HBS1L: variants seen among roughly 807,000 people sequenced by gnomAD.
HBS1L encodes HBS1 like translational GTPase, also known as HBS1-like protein.
In HBS1L, 55 loss-of-function variants were observed where a neutral mutation model predicts 88.9. The observed-to-expected ratio is 0.62, with a 90% CI of 0.50 to 0.77. The LOEUF is 0.77. Among genes scored for constraint, HBS1L ranks in the 30% least tolerant of loss-of-function variants. HBS1L has a pLI of 0.00. For missense variants in HBS1L, 741 were observed against 829.3 expected (o/e 0.89, Z 1.31); for synonymous variants, 267 against 288.5 (o/e 0.93, Z 0.76).
intron 15 of HBS1L, among the ~76,000 whole-genome samples, chr6:134,975,241 A>G (rs1774609920): frequency 6.6e-6 from 1 of 152,176 alleles, no homozygotes; most frequent in South Asian, 2.1e-4. Flanking sequence ...AGAACTACAA[A>G]ACACAGCTGA....
intron 11 of HBS1L, among the ~76,000 whole-genome samples, chr6:134,985,772 G>A (rs572968169): frequency 3.3e-5 from 5 of 152,024 alleles, no homozygotes; most frequent in East Asian, 1.9e-4. Context: ...CAAGCATTTC[G>A]GATAAGGGAC....
At chr6:135,004,622 C>T (rs972339520) in intron 4 of HBS1L, among the ~76,000 whole-genome samples, 3 of 151,414 alleles carry the variant, frequency 2.0e-5, no homozygotes, top group African/African-American at 7.3e-5. Flanking sequence ...GCGGAAGTTA[C>T]CAAAATGAGG....
At chr6:135,035,368 T>G (rs928294291) in intron 4 of HBS1L, among the ~76,000 whole-genome samples, 1 of 151,526 alleles carries the variant, frequency 6.6e-6, no homozygotes, top group Non-Finnish European at 1.5e-5. Context: ...GAGAATCACT[T>G]GAACCCGGGA....
chr6:134,999,593 G>A (rs141330872), intron 5 of HBS1L, among the ~76,000 whole-genome samples: 119 of 151,660 alleles, frequency 7.8e-4, no homozygotes, highest in African/African-American at 2.7e-3. Context: ...GATTACAGGC[G>A]CTGGCCACTA....
chr6:135,037,610 C>T (rs577514496), intron 4 of HBS1L: 11 of 1,547,346 alleles, frequency 7.1e-6, no homozygotes, highest in Non-Finnish European at 9.6e-6. Flanking sequence ...GTCTTTAAAT[C>T]TGGTATTTCT....
At chr6:134,974,835 C>T (rs1211077366) in intron 15 of HBS1L, among the ~76,000 whole-genome samples, 1 of 152,086 alleles carries the variant, frequency 6.6e-6, no homozygotes, top group Non-Finnish European at 1.5e-5. Context: ...AAAGCATTCC[C>T]CCTAAGAACT....
intron 8 of HBS1L, among the ~76,000 whole-genome samples, chr6:134,990,427 G>T (rs1484287474): frequency 6.6e-6 from 1 of 152,060 alleles, no homozygotes; most frequent in Non-Finnish European, 1.5e-5. Context: ...ATGCTTCCTT[G>T]TGTCCCCAAA....
At chr6:135,029,386 CAT>C (rs1413829313) in intron 4 of HBS1L, among the ~76,000 whole-genome samples, 1 of 151,648 alleles carries the variant, frequency 6.6e-6, no homozygotes, top group African/African-American at 2.4e-5. Context: ...TACACACACA[CAT>C]ACACAGACAC....
chr6:134,999,998 G>C (rs1398284526), intron 5 of HBS1L, among the ~76,000 whole-genome samples: 3 of 152,006 alleles, frequency 2.0e-5, no homozygotes, highest in African/African-American at 7.2e-5. Flanking sequence ...AGAATAAGTT[G>C]GTTGGATTTT....
chr6:135,029,882 T>C (rs1021778449), intron 4 of HBS1L, among the ~76,000 whole-genome samples: 11 of 152,248 alleles, frequency 7.2e-5, no homozygotes, highest in South Asian at 6.2e-4. Flanking sequence ...AGTGTTACAG[T>C]ATATTCTCCA....
Position 134,966,339 on chromosome 6 carries a change from A to G in HBS1L, c.2033T>C (p.Val678Ala). The change falls in exon 17 of 18, where the codon GTT (valine) becomes GCT (alanine). Residue 678 changes from valine to alanine, a missense_variant. Val to Ala is a moderately conservative substitution (Grantham distance 64). This residue lies in a region of HBS1L where 181 missense variants were observed against 212.7 expected (regional missense o/e 0.85). Transcript: ENST00000367837. ...TTTAAAATAAAATACCTCAGTGACA[A>G]CACCAGCAGCTATTGTAGAACCACC... Reference protein sequence around the residue: ...RYGGSTIAAGVVTEIKE With the variant: ...RYGGSTIAAGAVTEIKE 4.3e-6 allele frequency: 7 copies of G among 1,609,254 alleles called. No homozygotes were observed. The highest frequency in any genetic ancestry group is 5.9e-6 in the Non-Finnish European group (7 of 1,177,940).
intron 15 of HBS1L, among the ~76,000 whole-genome samples, chr6:134,976,504 C>A (rs999047373): frequency 5.9e-5 from 9 of 152,146 alleles, no homozygotes; most frequent in African/African-American, 2.2e-4. Flanking sequence ...TGGAACCAAC[C>A]TAAGTGCCCA....
chr6:135,026,984 G>A (rs974589652), intron 4 of HBS1L: 2 of 151,494 alleles, frequency 1.3e-5, no homozygotes, highest in Non-Finnish European at 2.9e-5. Flanking sequence ...TTGAGCCCAG[G>A]AGTTCGAGAC....
At chr6:135,037,285 C>A in intron 4 of HBS1L, 6 of 1,551,920 alleles carry the variant, frequency 3.9e-6, no homozygotes, top group Non-Finnish European at 5.2e-6. Context: ...TAAAGTAAAG[C>A]ACTGGCTTAT....
chr6:134,977,755 C>T (rs867529556), intron 15 of HBS1L, among the ~76,000 whole-genome samples: 18 of 151,810 alleles, frequency 1.2e-4, no homozygotes, highest in Non-Finnish European at 5.9e-5. Flanking sequence ...ATGGTAGAAA[C>T]ATCACTGAGA....
intron 1 of HBS1L, among the ~76,000 whole-genome samples, chr6:135,053,189 T>G (rs1777141221): frequency 6.6e-6 from 1 of 152,194 alleles, no homozygotes; most frequent in African/African-American, 2.4e-5. Context: ...AACGTAGAAA[T>G]CCTGCTTAAA....
intron 1 of HBS1L, among the ~76,000 whole-genome samples, chr6:135,051,229 GA>G (rs900058307): frequency 7.0e-6 from 1 of 143,836 alleles, no homozygotes; most frequent in South Asian, 2.2e-4. Context: ...GTCTCAAAAA[GA>G]AAAAAAAAGA....
At position 134,986,744 on chromosome 6, in the gene HBS1L, C is replaced by T; in HGVS notation, c.1297G>A (p.Gly433Ser). The change falls in exon 10 of 18, where the codon GGT becomes AGT. Residue 433 changes from glycine to serine, a missense_variant. Coordinates refer to ENST00000367837, the MANE Select transcript of HBS1L (RefSeq NM_006620.4). ...ATCTAAAATGATCTTACCTTAAAACCTGCTTGCTTAAGAAAGTGCCCAAGT... is the reference window on the plus strand; with the variant it reads ...ATCTAAAATGATCTTACCTTAAAACTTGCTTGCTTAAGAAAGTGCCCAAGT... The part of the protein sequence containing the change: ...GKLGHFLKQA[G>S]FKESDVGFIP... 2 of 1,551,712 alleles carry T rather than the reference C, an allele frequency of 1.3e-6. No individual in the cohort carries two copies. The highest frequency in any genetic ancestry group is 1.7e-6 in the Non-Finnish European group (2 of 1,145,804).
chr6:134,998,619 T>G (rs1445159726), intron 5 of HBS1L, among the ~76,000 whole-genome samples: 3 of 152,210 alleles, frequency 2.0e-5, no homozygotes, highest in Non-Finnish European at 4.4e-5. Context: ...ATAATAATCA[T>G]TTAAGATTGT....
Sources: allele counts gnomAD v4.1 joint callset (sites outside exome capture counted in the v4.1 genomes callset), GRCh38; gene constraint gnomAD v4.1.1; regional missense constraint gnomAD v4.1.1; transcripts MANE v1.5; gene names NCBI Gene and HGNC (gene_info 2026-07-23, HGNC 2026-07-21).